Variants in PDE10A observed in about 807,000 individuals in gnomAD.
PDE10A encodes cAMP and cAMP-inhibited cGMP 3',5'-cyclic phosphodiesterase 10A.
A neutral mutation model predicts 97.7 loss-of-function variants in PDE10A; 39 were observed. The ratio of observed to expected loss-of-function variants is 0.40; its 90% CI spans 0.31 to 0.52. The LOEUF is 0.52. Among genes scored for constraint, PDE10A ranks in the 20% least tolerant of loss-of-function variants. The pLI, the probability that PDE10A is intolerant of heterozygous loss-of-function variation, is 0.56. For missense variants in PDE10A, 731 were observed against 1,047.8 expected (o/e 0.70, Z 4.17); for synonymous variants, 371 against 376.8 (o/e 0.98, Z 0.18).
chr6:165,655,019 C>G lies in PDE10A; in HGVS notation c.865+6928G>C, dbSNP rs544229667. Among the ~76,000 whole-genome samples, 2 of 152,342 alleles carry G rather than the reference C, an allele frequency of 1.3e-5. No homozygotes were observed. The highest frequency in any genetic ancestry group is 4.8e-5 in the African/African-American group (2 of 41,584). On this transcript the variant is annotated intron_variant, in intron 1 of 21. Coordinates refer to ENST00000539869, the MANE Select transcript of PDE10A (RefSeq NM_001385079.1). This position sits in a 1 kb window ranked among gnomAD's most constrained non-coding sequence, Gnocchi z 4.5. Reference sequence around the variant, plus strand: ...TCACGACTGTGGCTTCAACGACTACCTTGGTGTTGCAGAGTCCAAATCTCT... The same window carrying G: ...TCACGACTGTGGCTTCAACGACTACGTTGGTGTTGCAGAGTCCAAATCTCT...
chr6:165,417,635 CA>C (rs11285799), intron 11 of PDE10A, among the ~76,000 whole-genome samples: 95,012 of 151,832 alleles, frequency 0.63, 30,253 homozygotes, highest in Middle Eastern at 0.72. Context: ...ACAGCAACAA[CA>C]AAAAAAACCA....
chr6:165,619,384 CTAGTAT>C (rs1787942898), intron 1 of PDE10A, among the ~76,000 whole-genome samples: 2 of 27,864 alleles, frequency 7.2e-5, no homozygotes, highest in Non-Finnish European at 1.6e-4. Flanking sequence ...GTAGTGTAGT[CTAGTAT>C]AGTGTAGTGT....
chr6:165,522,074 G>C (rs1319532132), intron 2 of PDE10A, among the ~76,000 whole-genome samples: 1 of 152,064 alleles, frequency 6.6e-6, no homozygotes, highest in African/African-American at 2.4e-5. Context: ...CCATTCTTCT[G>C]TTCATGGACA....
chr6:165,611,513 TC>T (rs2128401417), intron 1 of PDE10A, among the ~76,000 whole-genome samples: 1 of 152,310 alleles, frequency 6.6e-6, no homozygotes, highest in Non-Finnish European at 1.5e-5. Context: ...CGGCACAAGA[TC>T]TGAGGCTGTG....
At chr6:165,502,622 T>G (rs1400597472) in intron 2 of PDE10A, among the ~76,000 whole-genome samples, 2 of 152,220 alleles carry the variant, frequency 1.3e-5, no homozygotes, top group Non-Finnish European at 2.9e-5. Context: ...TATAGTACAC[T>G]GCTAAACATG....
intron 1 of PDE10A, among the ~76,000 whole-genome samples, chr6:165,955,243 G>A (rs1046074049): frequency 5.3e-5 from 8 of 152,178 alleles, no homozygotes; most frequent in African/African-American, 1.7e-4. Context: ...GGTGCACAGA[G>A]GACAGAGAAG....
chr6:165,417,221 G>T (rs1788380285), intron 11 of PDE10A, among the ~76,000 whole-genome samples: 1 of 152,206 alleles, frequency 6.6e-6, no homozygotes, highest in Non-Finnish European at 1.5e-5. Context: ...TAAAACTCAT[G>T]GTTGTCTTTT....
intron 6 of PDE10A, 116 bp downstream of exon 6, chr6:165,435,121 G>T: frequency 2.0e-6 from 2 of 992,938 alleles, no homozygotes; most frequent in Non-Finnish European, 1.5e-6. Flanking sequence ...TCTGTAACTA[G>T]CTTTAATGCT....
At chr6:165,383,028 T>C (rs1408267495) in intron 17 of PDE10A, among the ~76,000 whole-genome samples, 1 of 152,138 alleles carries the variant, frequency 6.6e-6, no homozygotes, top group East Asian at 1.9e-4. Flanking sequence ...AAGAACTCTC[T>C]AGCTAAGTAA....
intron 3 of PDE10A, among the ~76,000 whole-genome samples, chr6:165,467,342 A>G (rs1377052977): frequency 6.6e-6 from 1 of 152,218 alleles, no homozygotes; most frequent in Non-Finnish European, 1.5e-5. Context: ...ACATTCTTAC[A>G]ACACTGAGGT....
intron 1 of PDE10A, among the ~76,000 whole-genome samples, chr6:165,880,239 G>A (rs1188422324): frequency 1.3e-5 from 2 of 152,208 alleles, no homozygotes; most frequent in African/African-American, 4.8e-5. Flanking sequence ...GGAAGTAGGT[G>A]TAGAGTCAGT....
At chr6:165,731,021 G>C (rs992747399) in intron 1 of PDE10A, among the ~76,000 whole-genome samples, 1 of 152,210 alleles carries the variant, frequency 6.6e-6, no homozygotes, top group Admixed American at 6.5e-5. Context: ...ACTCCAGCCT[G>C]GGCGACAGTG....
intron 1 of PDE10A, among the ~76,000 whole-genome samples, chr6:165,924,975 G>A (rs541601687): frequency 6.6e-6 from 1 of 151,348 alleles, no homozygotes; most frequent in South Asian, 2.1e-4. Flanking sequence ...AGATTGAAAA[G>A]GCAAGCTACA....
In PDE10A at chr6:165,462,508, T is replaced by G. The variant is rs111318770; in HGVS notation, c.1024-12146A>C. ...GGACCAAATCAACAGCCGATTTGGA[T>G]GCCATCAAGACACCTAAAACCTTAT... On this transcript the variant is annotated intron_variant, in intron 3 of 21. Coordinates refer to ENST00000539869, the MANE Select transcript of PDE10A (RefSeq NM_001385079.1). Among the ~76,000 whole-genome samples the G allele has an allele frequency of 9.6e-3, 1,468 of 152,308 alleles. 28 individuals are homozygous for G. The highest frequency in any genetic ancestry group is 0.034 in the African/African-American group (1,413 of 41,570).
At chr6:165,525,026 G>C (rs1782347114) in intron 2 of PDE10A, among the ~76,000 whole-genome samples, 1 of 152,092 alleles carries the variant, frequency 6.6e-6, no homozygotes, top group Admixed American at 6.5e-5. Context: ...AGGCAACAGT[G>C]ATGGCCTCCC....
intron 1 of PDE10A, among the ~76,000 whole-genome samples, chr6:165,567,994 A>ATTTTTTTTTT (rs386409260): frequency 1.5e-5 from 2 of 130,650 alleles, no homozygotes; most frequent in Non-Finnish European, 1.5e-5. Context: ...GCAACAAGGC[A>ATTTTTTTTTT]TTTTTTTTTT....
At chr6:165,516,293 A>C (rs1334481519) in intron 2 of PDE10A, among the ~76,000 whole-genome samples, 1 of 152,144 alleles carries the variant, frequency 6.6e-6, no homozygotes, top group Non-Finnish European at 1.5e-5. Flanking sequence ...CAAAAATGTC[A>C]CCTTCCATAT....
chr6:165,894,282 G>T (rs1373148644), intron 1 of PDE10A: 1 of 456,064 alleles, frequency 2.2e-6, no homozygotes, highest in Non-Finnish European at 4.4e-6. Flanking sequence ...TGAAGCCCGA[G>T]AAGATGTGTT....
At chr6:165,804,263 C>T (rs1285260572) in intron 1 of PDE10A, among the ~76,000 whole-genome samples, 1 of 152,180 alleles carries the variant, frequency 6.6e-6, no homozygotes, top group Non-Finnish European at 1.5e-5. Context: ...AAAACAATGA[C>T]TCATCTTATA....
Sources: gnomAD v4.1 joint callset for allele counts (sites outside exome capture counted in the v4.1 genomes callset) on GRCh38, gnomAD v4.1.1 for gene constraint, Gnocchi (gnomAD v3.1) non-coding constraint, MANE v1.5 for transcripts, NCBI Gene and HGNC (gene_info 2026-07-23, HGNC 2026-07-21) for gene names.